The following ZC2HC1B variants were observed in gnomAD, a reference collection of about 807,000 sequenced individuals.
ZC2HC1B encodes zinc finger C2HC-type containing 1B, also known as zinc finger C2HC domain-containing protein 1B.
ZC2HC1B carries 36 observed loss-of-function variants against 31.0 expected under a neutral mutation model. The observed-to-expected ratio is 1.16, with a 90% confidence interval of 0.89 to 1.54. The LOEUF (loss-of-function observed/expected upper bound fraction) is 1.54. Among genes scored for constraint, ZC2HC1B ranks in the 40% most tolerant of loss-of-function variants. The pLI is 0.00. For missense variants in ZC2HC1B, 260 were observed against 268.6 expected, an observed-to-expected ratio of 0.97 and a Z score of 0.22; for synonymous variants, 73 against 88.0, an observed-to-expected ratio of 0.83 and a Z score of 0.95.
At chr6:143,882,332 TTTTATATATA>T (rs1199651638) in intron 1 of ZC2HC1B, among the ~76,000 whole-genome samples, 6 of 67,390 alleles carry the variant, frequency 8.9e-5, no homozygotes, top group South Asian at 5.7e-4. Flanking sequence ...ATTTTATATT[TTTTATATATA>T]TATATATATA....
Position 143,886,709 on chromosome 6 carries a change from G to A in ZC2HC1B, c.237G>A (p.Trp79Ter). 1.3e-6 allele frequency: 2 copies of A among 1,544,304 alleles called. No homozygotes were observed. The highest frequency in any genetic ancestry group is 2.5e-5 in the East Asian group (1 of 40,166). The change falls in exon 4 of 8, where the codon TGG becomes TGA. Residue 79 changes from tryptophan to a stop codon, truncating the protein, a stop_gained. Transcript: ENST00000237275. LOFTEE classifies it high-confidence loss of function. The surrounding 1 kb of genome is among the most constrained non-coding windows in gnomAD (Gnocchi z 4.2). ...CTCCACCTGTGAGGAAGTCTAACTG[G>A]AGACAACAACATGAAGACTTTATTA... Reference protein sequence around the residue: ...SKSPPVRKSNWRQQHEDFINA... With the variant: ...SKSPPVRKSN
intron 6 of ZC2HC1B, among the ~76,000 whole-genome samples, chr6:143,910,844 C>G (rs1017358166): frequency 6.6e-6 from 1 of 152,178 alleles, no homozygotes. Context: ...ACCTCCACCT[C>G]CTGGTTCAAG....
intron 6 of ZC2HC1B, among the ~76,000 whole-genome samples, chr6:143,930,628 C>T (rs765568151): frequency 6.4e-4 from 98 of 152,156 alleles, no homozygotes; most frequent in Admixed American, 1.1e-3. Context: ...CTGCCTGCCT[C>T]GGCCTCCCAA....
intron 1 of ZC2HC1B, among the ~76,000 whole-genome samples, chr6:143,879,027 G>A (rs971339031): frequency 5.9e-5 from 9 of 152,148 alleles, no homozygotes; most frequent in African/African-American, 1.9e-4. Context: ...GGGGTTGGGG[G>A]CAGGGCGCGA....
chr6:143,931,933 C>T (rs936791686), intron 6 of ZC2HC1B, among the ~76,000 whole-genome samples: 6 of 148,950 alleles, frequency 4.0e-5, no homozygotes, highest in Non-Finnish European at 5.9e-5. Flanking sequence ...GGCATGATCT[C>T]GGCTCACTGC....
At position 143,913,038 on chromosome 6, in the gene ZC2HC1B, TGTG is replaced by T. The variant is rs1281974430; in HGVS notation, c.598+9890_598+9892del. Among the ~76,000 whole-genome samples, 3 of 152,250 alleles carry T rather than the reference TGTG, an allele frequency of 2.0e-5. No individual in the cohort carries two copies. The highest frequency in any genetic ancestry group is 7.2e-5 in the African/African-American group (3 of 41,468). ...CCATACCTCAACAAAACAGCTGTGC[TGTG>T]GTGATGAACTGCCTCTGCCCCTGTC... On this transcript the variant is annotated intron_variant, in intron 6 of 7. Coordinates refer to ENST00000237275, the MANE Select transcript of ZC2HC1B (RefSeq NM_001013623.3). This position sits in a 1 kb window ranked among gnomAD's most constrained non-coding sequence, Gnocchi z 5.7.
At chr6:143,912,859 A>G (rs1280838681) in intron 6 of ZC2HC1B, among the ~76,000 whole-genome samples, 1 of 152,116 alleles carries the variant, frequency 6.6e-6, no homozygotes, top group African/African-American at 2.4e-5. Context: ...CAAATGGCCA[A>G]GTTGGCAGCC....
Position 143,913,232 on chromosome 6 carries a change from C to T in ZC2HC1B, c.598+10080C>T, listed in dbSNP as rs1582969813. ...GGAGTGTCCAGCTAGAAGGTTCTAC[C>T]CAGTGAGGAAGAAGCAGTCTGGCTG... On this transcript the variant is annotated intron_variant, in intron 6 of 7. Transcript: ENST00000237275. The surrounding 1 kb of genome is among the most constrained non-coding windows in gnomAD (Gnocchi z 5.7). Among the ~76,000 whole-genome samples, 2 of 152,238 alleles carry T rather than the reference C, an allele frequency of 1.3e-5. No homozygotes were observed. The highest frequency in any genetic ancestry group is 1.9e-4 in the East Asian group (1 of 5,168).
intron 6 of ZC2HC1B, among the ~76,000 whole-genome samples, chr6:143,909,885 G>T (rs1427320483): frequency 6.6e-6 from 1 of 152,066 alleles, no homozygotes; most frequent in African/African-American, 2.4e-5. Flanking sequence ...TTTTTGAAGG[G>T]TTTTGTTTTG....
intron 1 of ZC2HC1B, among the ~76,000 whole-genome samples, chr6:143,877,907 C>T (rs1777426295): frequency 6.6e-6 from 1 of 150,422 alleles, no homozygotes; most frequent in African/African-American, 2.5e-5. Flanking sequence ...GTCCTCTAAG[C>T]CAAGTAGAAG....
At chr6:143,902,920 A>G in intron 5 of ZC2HC1B, 124 bp from the exon 6 acceptor site, 1 of 805,886 alleles carries the variant, frequency 1.2e-6, no homozygotes, top group African/African-American at 1.7e-5. Context: ...CCCTGGATTC[A>G]GGGAGTCCCT....
Position 143,885,311 on chromosome 6 carries a change from G to A in ZC2HC1B, c.91-721G>A, listed in dbSNP as rs1339673337. 6.6e-6 allele frequency among the ~76,000 whole-genome samples: 1 copy of A among 152,194 alleles called. No individual in the cohort carries two copies. Among genetic ancestry groups the A allele is most frequent in the Non-Finnish European group, 1.5e-5 (1 of 68,040 alleles). ...GTGGCCCTGTAGTCCACCAGTGTGT[G>A]TCACTGCCTTTGCCAGACTGGAGCC... is the stretch of plus-strand genomic sequence containing the variant. On this transcript the variant is annotated intron_variant, in intron 2 of 7. Transcript: ENST00000237275. This position sits in a 1 kb window ranked among gnomAD's most constrained non-coding sequence, Gnocchi z 4.2.
chr6:143,935,646 CTTTTTTTTTTTT>C (rs759896830), intron 6 of ZC2HC1B, among the ~76,000 whole-genome samples: 4 of 55,858 alleles, frequency 7.2e-5, no homozygotes, highest in African/African-American at 1.3e-4. Context: ...TGGTATCACT[CTTTTTTTTTTTT>C]TTTTTTTTTT....
rs1374017891 is a variant in ZC2HC1B, at chr6:143,915,520, A to C, written c.598+12368A>C. 2.0e-5 allele frequency among the ~76,000 whole-genome samples: 3 copies of C among 152,248 alleles called. No individual in the cohort carries two copies. The highest frequency in any genetic ancestry group is 2.9e-5 in the Non-Finnish European group (2 of 68,048). Reference sequence around the variant, plus strand: ...CAGGGTAACAGGCAGAGGTTGGAACAGTTTGGAGGCCTCAGAAAAAGGCAG... The same window carrying C: ...CAGGGTAACAGGCAGAGGTTGGAACCGTTTGGAGGCCTCAGAAAAAGGCAG... On this transcript the variant is annotated intron_variant, in intron 6 of 7. Coordinates refer to ENST00000237275, the MANE Select transcript of ZC2HC1B (RefSeq NM_001013623.3). This position sits in a 1 kb window ranked among gnomAD's most constrained non-coding sequence, Gnocchi z 5.2.
chr6:143,901,318 G>A (rs998960029), intron 5 of ZC2HC1B, among the ~76,000 whole-genome samples: 1 of 131,402 alleles, frequency 7.6e-6, no homozygotes, highest in African/African-American at 3.0e-5. Context: ...GGAGTGCAGT[G>A]GTGTGATCTC....
At chr6:143,876,758 C>G (rs1255888371) in intron 1 of ZC2HC1B, among the ~76,000 whole-genome samples, 2 of 150,658 alleles carry the variant, frequency 1.3e-5, no homozygotes, top group African/African-American at 4.9e-5. Flanking sequence ...AACTTGGAGT[C>G]TGATGTTCAA....
chr6:143,876,008 T>C (rs533406984), intron 1 of ZC2HC1B, among the ~76,000 whole-genome samples: 2 of 150,718 alleles, frequency 1.3e-5, no homozygotes, highest in African/African-American at 4.9e-5. Context: ...AGTTGCAGGG[T>C]CCCATTCTTT....
At position 143,901,250 on chromosome 6, in the gene ZC2HC1B, CTTTTTTTTTTTTTTT is replaced by C. The variant is rs760366226; in HGVS notation, c.490-1781_490-1767del. Among the ~76,000 whole-genome samples the C allele has an allele frequency of 6.9e-4, 62 of 90,494 alleles. No individual in the cohort carries two copies. In the East Asian group the frequency reaches 0.013, roughly 19 times the overall value. The allele number at this position is 90,494 out of a possible 152,430, so 59.4% of individuals were successfully genotyped here. ...AATTTCTTTCTTTCTTTCTTTCTTC[CTTTTTTTTTTTTTTT>C]TTTTTTTTTTTTGAGACAGAGTCTC... On this transcript the variant is annotated intron_variant, in intron 5 of 7. Transcript: ENST00000237275.
At chr6:143,935,909 C>G (rs1020733979) in intron 6 of ZC2HC1B, among the ~76,000 whole-genome samples, 1 of 152,062 alleles carries the variant, frequency 6.6e-6, no homozygotes, top group African/African-American at 2.4e-5. Context: ...CTTGGCCTCT[C>G]AAAGTATTGG....
Sources: allele counts gnomAD v4.1 joint callset (sites outside exome capture counted in the v4.1 genomes callset), GRCh38; gene constraint gnomAD v4.1.1; non-coding constraint Gnocchi (gnomAD v3.1); transcripts MANE v1.5; gene names NCBI Gene and HGNC (gene_info 2026-07-23, HGNC 2026-07-21).